NBAS: variants seen among roughly 807,000 people sequenced by gnomAD.
NBAS encodes the protein NAG/BC035112 fusion.
In NBAS, 219 loss-of-function variants were observed where a neutral mutation model predicts 302.5. That is an observed-to-expected ratio of 0.72 (90% CI 0.65 to 0.81). The LOEUF is 0.81. Ranked by LOEUF, NBAS falls within the 30% of genes least tolerant of loss-of-function variation. The probability of loss-of-function intolerance (pLI) is 0.00; values close to 1 mark genes in which losing one functional copy is unlikely to be tolerated. For missense variants in NBAS, 2,932 were observed against 2,841.6 expected (o/e 1.03, Z -0.72); for synonymous variants, 1,118 against 1,021.6 (o/e 1.09, Z -1.80).
intron 40 of NBAS, among the ~76,000 whole-genome samples, chr2:15,306,100 A>G (rs150359226): frequency 1.7e-3 from 254 of 152,370 alleles, no homozygotes; most frequent in Middle Eastern, 3.4e-3. Context: ...AGCACTAATG[A>G]AAAGGTAAGA....
At chr2:15,004,003 C>T in the NBAS span, among the ~76,000 whole-genome samples, 1 of 152,126 alleles carries the variant, frequency 6.6e-6, no homozygotes, top group African/African-American at 2.4e-5. Context: ...TTTTAAATGC[C>T]GTAAAAAAAT....
the NBAS span, among the ~76,000 whole-genome samples, chr2:14,852,420 G>C: frequency 1.1e-5 from 1 of 88,110 alleles, no homozygotes; most frequent in African/African-American, 5.8e-5. Context: ...CACTGCTCAA[G>C]GAAATAAAAG....
chr2:15,262,933 C>A (rs887166971), intron 44 of NBAS, among the ~76,000 whole-genome samples: 1 of 152,284 alleles, frequency 6.6e-6, no homozygotes, highest in Admixed American at 6.5e-5. Flanking sequence ...TTCCTCAAGG[C>A]ACATTCAGGA....
intron 48 of NBAS, among the ~76,000 whole-genome samples, chr2:15,201,792 C>T (rs755167795): frequency 2.6e-5 from 4 of 152,068 alleles, no homozygotes; most frequent in East Asian, 1.9e-4. Flanking sequence ...GCAGATATGG[C>T]GACAATTTTC....
chr2:14,965,530 T>C, the NBAS span, among the ~76,000 whole-genome samples: 1 of 152,154 alleles, frequency 6.6e-6, no homozygotes, highest in South Asian at 2.1e-4. Flanking sequence ...GAATTTGCAG[T>C]TAAAACTCTT....
the NBAS span, among the ~76,000 whole-genome samples, chr2:14,895,135 A>T: frequency 1.4e-5 from 2 of 146,488 alleles, no homozygotes; most frequent in Non-Finnish European, 3.0e-5. Flanking sequence ...AAACTGAAAG[A>T]AGTTTATTCT....
rs3815600 is a variant in NBAS, at chr2:15,485,793, T to C, written c.1083+3101A>G. The stretch of plus-strand genomic sequence containing the variant: ...TACGGCAGAAATGGTTACATGAAAG[T>C]AGAGAGCAGGACAAGAGGATCTAGG... On this transcript the variant is annotated intron_variant, in intron 12 of 51. Transcript: ENST00000281513. Among the ~76,000 whole-genome samples the C allele has an allele frequency of 7.6e-3, 1,159 of 151,720 alleles. 18 individuals are homozygous for C. The highest frequency in any genetic ancestry group is 0.059 in the East Asian group (302 of 5,152).
chr2:15,210,454 C>T (rs189352442), intron 48 of NBAS, among the ~76,000 whole-genome samples: 2 of 152,072 alleles, frequency 1.3e-5, no homozygotes, highest in Admixed American at 6.5e-5. Context: ...TGGCTTATAT[C>T]CAAAAGACAG....
chr2:15,234,744 T>C lies in NBAS; in HGVS notation c.5947A>G (p.Thr1983Ala), dbSNP rs1375929141. The change falls in exon 46 of 52, where the codon ACA becomes GCA. Residue 1983 changes from threonine to alanine, a missense_variant. Coordinates refer to ENST00000281513, the MANE Select transcript of NBAS (RefSeq NM_015909.4). ...ILSLKNSEQE[T>A]LQKYSHLYDL... is the part of the protein sequence containing the mutation. Reference sequence around the variant, plus strand: ...TAGAGGTGACTGTATTTTTGCAGTGTTTCCTGTAAAGACATGGTAATCAGC... The same window carrying C: ...TAGAGGTGACTGTATTTTTGCAGTGCTTCCTGTAAAGACATGGTAATCAGC... 6.2e-7 allele frequency: 1 copy of C among 1,614,018 alleles called. No homozygotes were observed. Among genetic ancestry groups the C allele is most frequent in the Non-Finnish European group, 8.5e-7 (1 of 1,179,876 alleles).
At chr2:15,186,200 T>C (rs1267704552) in intron 50 of NBAS, among the ~76,000 whole-genome samples, 2 of 151,038 alleles carry the variant, frequency 1.3e-5, no homozygotes, top group African/African-American at 4.9e-5. Flanking sequence ...ATAAAATATA[T>C]ATGTATATAA....
At chr2:15,285,090 T>G (rs991110450) in intron 42 of NBAS, among the ~76,000 whole-genome samples, 4 of 151,152 alleles carry the variant, frequency 2.6e-5, no homozygotes, top group African/African-American at 9.9e-5. Flanking sequence ...AATGCCAGTG[T>G]GTGTATCATA....
chr2:15,095,766 T>C, the NBAS span, among the ~76,000 whole-genome samples: 1 of 152,212 alleles, frequency 6.6e-6, no homozygotes, highest in African/African-American at 2.4e-5. Context: ...TATGGTCACC[T>C]TTCCCCAGGC....
At chr2:15,233,809 C>G (rs1667478984) in intron 46 of NBAS, among the ~76,000 whole-genome samples, 1 of 152,120 alleles carries the variant, frequency 6.6e-6, no homozygotes, top group South Asian at 2.1e-4. Context: ...AGTTCAGCTG[C>G]AGAAAACTGA....
chr2:15,190,601 A>G (rs940548743), intron 48 of NBAS, among the ~76,000 whole-genome samples, 198 bp from the exon 49 acceptor site: 1 of 152,226 alleles, frequency 6.6e-6, no homozygotes, highest in Admixed American at 6.5e-5. Context: ...TTAGAACTAC[A>G]ATCAGAGGAA....
chr2:14,869,864 C>T, the NBAS span, among the ~76,000 whole-genome samples: 3 of 152,180 alleles, frequency 2.0e-5, no homozygotes. Context: ...CAGGGTCAGT[C>T]ATCACAGCCA....
Position 15,179,166 on chromosome 2 carries a change from C to T in NBAS, c.6712-50G>A, listed in dbSNP as rs764495551. 5.0e-6 allele frequency: 8 copies of T among 1,612,906 alleles called. No individual in the cohort carries two copies. In the East Asian group the frequency reaches 6.7e-5, roughly 13 times the overall value. ...CGAGAACTCCACGACGTACTTCTCA[C>T]CGGCACGGTTCTGGCTGGATCATTC... On this transcript the variant is annotated intron_variant, in intron 50 of 51. Coordinates refer to ENST00000281513, the MANE Select transcript of NBAS (RefSeq NM_015909.4).
At chr2:15,263,899 G>A (rs1369335736) in intron 44 of NBAS, among the ~76,000 whole-genome samples, 3 of 152,074 alleles carry the variant, frequency 2.0e-5, no homozygotes, top group Non-Finnish European at 4.4e-5. Flanking sequence ...ACATCCTATG[G>A]GTGCCACTAC....
chr2:15,380,186 A>G (rs1674964342), intron 29 of NBAS, among the ~76,000 whole-genome samples: 2 of 152,160 alleles, frequency 1.3e-5, no homozygotes, highest in South Asian at 2.1e-4. Flanking sequence ...CCCACTCTCA[A>G]CAGGGCCCAT....
rs1458459774 is a variant in NBAS at position 15,275,546 on chromosome 2, G to A, written c.5662C>T (p.His1888Tyr). 4 of 1,614,020 alleles carry A rather than the reference G, an allele frequency of 2.5e-6. No homozygotes were observed. Among genetic ancestry groups the A allele is most frequent in the Admixed American group, 3.3e-5 (2 of 59,984 alleles). ...ACCACAGTGATGAGGTCACCTGGGTGGAGACGATCAAAGTACTTCATGCAG... is the reference window on the plus strand; with the variant it reads ...ACCACAGTGATGAGGTCACCTGGGTAGAGACGATCAAAGTACTTCATGCAG... Reference protein sequence around the residue: ...DVCMKYFDRLHPGDLITVVDA... With the variant: ...DVCMKYFDRLYPGDLITVVDA... Residue 1888 changes from histidine (H) to tyrosine (Y), a missense_variant, in exon 44 of 52, where the codon CAC becomes TAC. Physicochemically the swap from His to Tyr is moderately conservative, Grantham distance 83. Coordinates refer to ENST00000281513, the MANE Select transcript of NBAS (RefSeq NM_015909.4).
Sources: gnomAD v4.1 joint callset for allele counts (sites outside exome capture counted in the v4.1 genomes callset) on GRCh38, gnomAD v4.1.1 for gene constraint, MANE v1.5 for transcripts, NCBI Gene and HGNC (gene_info 2026-07-23, HGNC 2026-07-21) for gene names.